Variants in TCF4 observed in about 807,000 individuals in gnomAD.
The protein encoded by TCF4 is SL3-3 enhancer factor 2.
A neutral mutation model predicts 82.1 loss-of-function variants in TCF4; 3 were observed. The observed-to-expected ratio is 0.04, with a 90% confidence interval of 0.02 to 0.09. The LOEUF (loss-of-function observed/expected upper bound fraction) is 0.09. Ranked by LOEUF, TCF4 falls within the 10% of genes least tolerant of loss-of-function variation. The pLI, the probability that TCF4 is intolerant of heterozygous loss-of-function variation, is 1.00. For synonymous variants in TCF4, 276 were observed against 309.6 expected, an observed-to-expected ratio of 0.89 and a Z score of 1.14; for missense variants, 518 against 852.7, an observed-to-expected ratio of 0.61 and a Z score of 4.89.
chr18:55,312,463 A>G (rs941387951), intron 8 of TCF4, among the ~76,000 whole-genome samples: 5 of 152,206 alleles, frequency 3.3e-5, no homozygotes, highest in African/African-American at 1.2e-4. Flanking sequence ...AAAGCACCAT[A>G]AAACCAAAAC....
intron 5 of TCF4, among the ~76,000 whole-genome samples, chr18:55,452,000 T>C (rs2095633231): frequency 6.6e-6 from 1 of 152,176 alleles, no homozygotes; most frequent in Admixed American, 6.5e-5. Context: ...AGTGAGATTC[T>C]GTGTCTAAAA....
intron 8 of TCF4, among the ~76,000 whole-genome samples, chr18:55,341,659 T>C (rs2079990143): frequency 6.6e-6 from 1 of 152,146 alleles, no homozygotes; most frequent in South Asian, 2.1e-4. Flanking sequence ...TCACTGGAAA[T>C]ATATTTCAGA....
chr18:55,589,930 G>A (rs2097681172), upstream of TCF4: 3 of 699,518 alleles, frequency 4.3e-6, no homozygotes, highest in Admixed American at 1.2e-4. Context: ...GGCGGTGCTG[G>A]TCGACCACGC....
intron 8 of TCF4, among the ~76,000 whole-genome samples, chr18:55,337,039 T>A (rs1274122905): frequency 6.6e-6 from 1 of 152,166 alleles, no homozygotes; most frequent in Non-Finnish European, 1.5e-5. Flanking sequence ...TGAAGTTTTT[T>A]AGAAAACTAT....
intron 3 of TCF4, among the ~76,000 whole-genome samples, chr18:55,567,896 C>A (rs1454905543): frequency 6.6e-6 from 1 of 151,980 alleles, no homozygotes; most frequent in Non-Finnish European, 1.5e-5. Context: ...AGTTCTCTGA[C>A]AACAATTAAA....
chr18:55,287,714 C>A (rs576600563), intron 8 of TCF4, among the ~76,000 whole-genome samples: 2 of 152,280 alleles, frequency 1.3e-5, no homozygotes, highest in South Asian at 4.1e-4. Context: ...GTGAGCCATG[C>A]CAATTTAAGT....
intron 3 of TCF4, chr18:55,510,571 A>C: frequency 6.7e-7 from 1 of 1,492,998 alleles, no homozygotes; most frequent in Non-Finnish European, 8.9e-7. Flanking sequence ...AGTTACATAA[A>C]TATTTACCTC....
chr18:55,254,468 C>CT (rs1456351587), intron 15 of TCF4, 29 bp downstream of exon 15: 5 of 1,586,952 alleles, frequency 3.2e-6, no homozygotes, highest in Non-Finnish European at 4.3e-6. Context: ...TATATGATAA[C>CT]TATAGAGTCT....
intron 3 of TCF4, among the ~76,000 whole-genome samples, chr18:55,519,840 C>T (rs923496756): frequency 2.6e-5 from 4 of 152,166 alleles, no homozygotes; most frequent in African/African-American, 9.7e-5. Context: ...ACTGCAAAAG[C>T]AAGTTGTTGA....
rs1354957454 is a variant in TCF4 at position 55,391,479 on chromosome 18, T to G, written c.369+11975A>C. 3.3e-5 allele frequency among the ~76,000 whole-genome samples: 5 copies of G among 152,136 alleles called. 1 individual carries two copies. The highest frequency in any genetic ancestry group is 1.2e-4 in the African/African-American group (5 of 41,432). Reference sequence around the variant, plus strand: ...TGTAAGTGATGACCCTCTCTAGGACTCAGCCCTCCATTCCGTGAAACCTGG... The same window carrying G: ...TGTAAGTGATGACCCTCTCTAGGACGCAGCCCTCCATTCCGTGAAACCTGG... On this transcript the variant is annotated intron_variant, in intron 6 of 19. Coordinates refer to ENST00000354452, the MANE Select transcript of TCF4 (RefSeq NM_001083962.2).
chr18:55,233,076 G>A (rs2048350679), intron 16 of TCF4, among the ~76,000 whole-genome samples: 1 of 152,192 alleles, frequency 6.6e-6, no homozygotes, highest in Admixed American at 6.5e-5. Context: ...CAGGGAGTAT[G>A]CTAAATATGT....
intron 6 of TCF4, among the ~76,000 whole-genome samples, chr18:55,371,821 C>G (rs2089295018): frequency 6.6e-6 from 1 of 152,188 alleles, no homozygotes. Flanking sequence ...TTGTTACCCA[C>G]TTGCTTCCAC....
intron 1 of TCF4, 23 bp downstream of exon 1, chr18:55,588,015 G>C (rs925499200): frequency 6.6e-5 from 65 of 980,954 alleles, no homozygotes; most frequent in Non-Finnish European, 1.8e-5. Context: ...GCCCCGCCGA[G>C]CCCCGCAGGC....
rs2046417460 is a variant in TCF4, at chr18:55,225,063, A to T, written c.*2972T>A. On this transcript the variant is annotated 3_prime_UTR_variant, in exon 20 of 20. Transcript: ENST00000354452. ...AACAACAACAATAAAAAACACACTA[A>T]AAAGGCCACATTCCCTTTTTTTCTT... 6.6e-6 allele frequency: 1 copy of T among 152,172 alleles called. No individual in the cohort carries two copies. Among genetic ancestry groups the T allele is most frequent in the African/African-American group, 2.4e-5 (1 of 41,458 alleles). 9.4% of individuals were successfully genotyped at this position (152,172 alleles called of 1,614,324 possible).
At chr18:55,609,466 C>T (rs1402170556) in intron 2 of TCF4, among the ~76,000 whole-genome samples, 2 of 152,116 alleles carry the variant, frequency 1.3e-5, no homozygotes, top group Non-Finnish European at 2.9e-5. Context: ...ATGCTGTTCC[C>T]ACCAGCAGTT....
At chr18:55,369,445 T>G (rs2088267127) in intron 6 of TCF4, among the ~76,000 whole-genome samples, 1 of 152,226 alleles carries the variant, frequency 6.6e-6, no homozygotes, top group South Asian at 2.1e-4. Flanking sequence ...AGGACAAGGC[T>G]ACAAATGTGT....
At chr18:55,340,270 CCAGT>C (rs2079588741) in intron 8 of TCF4, among the ~76,000 whole-genome samples, 2 of 152,224 alleles carry the variant, frequency 1.3e-5, no homozygotes, top group African/African-American at 4.8e-5. Context: ...AGCCGATGTA[CCAGT>C]TCAAAAGAGA....
chr18:55,536,538 A>G (rs1384293781), intron 3 of TCF4, among the ~76,000 whole-genome samples: 1 of 152,240 alleles, frequency 6.6e-6, no homozygotes, highest in Non-Finnish European at 1.5e-5. Context: ...GTCAACACAA[A>G]GAGTTATTCA....
intron 3 of TCF4, among the ~76,000 whole-genome samples, chr18:55,522,016 T>C (rs2146517862): frequency 6.6e-6 from 1 of 152,218 alleles, no homozygotes; most frequent in African/African-American, 2.4e-5. Flanking sequence ...CCAGAGCCTG[T>C]AAGCTCAGAG....
Sources: allele counts gnomAD v4.1 joint callset (sites outside exome capture counted in the v4.1 genomes callset), GRCh38; gene constraint gnomAD v4.1.1; transcripts MANE v1.5; gene names NCBI Gene and HGNC (gene_info 2026-07-23, HGNC 2026-07-21).